The following LRP5 variants were observed in gnomAD, a reference collection of about 807,000 sequenced individuals.
LRP5 encodes low-density lipoprotein receptor-related protein 5.
Under a neutral mutation model 154.1 loss-of-function variants are expected in LRP5, and 62 were observed. The observed-to-expected ratio is 0.40, with a 90% CI of 0.33 to 0.50. The LOEUF is 0.50. Among genes scored for constraint, LRP5 ranks in the 20% least tolerant of loss-of-function variants. LRP5 has a pLI of 0.55. For missense variants in LRP5, 1,915 were observed against 2,336.7 expected (o/e 0.82, Z 3.72); for synonymous variants, 966 against 1,011.5 (o/e 0.96, Z 0.85).
rs185723168 is a variant in LRP5, at chr11:68,351,092, G to C, written c.488+2849G>C. On this transcript the variant is annotated intron_variant, in intron 2 of 22. Coordinates refer to ENST00000294304, the MANE Select transcript of LRP5 (RefSeq NM_002335.4). The stretch of plus-strand genomic sequence containing the variant: ...TGCATCTGAACCAGTCTGTGTGTAA[G>C]TATGGGGTACCAGCAGGGGTGGGAC... Among the ~76,000 whole-genome samples the C allele has an allele frequency of 8.5e-5, 13 of 152,312 alleles. No individual in the cohort carries two copies. In the East Asian group the frequency reaches 1.7e-3, roughly 20 times the overall value.
chr11:68,439,739 T>TGGAAGCCACCTGACCTCCCCC, intron 20 of LRP5, 38 bp from the exon 21 acceptor site: 1 of 1,599,918 alleles, frequency 6.3e-7, no homozygotes, highest in Non-Finnish European at 8.5e-7. Context: ...TGGCTGAGCC[T>TGGAAGCCACCTGACCTCCCCC]GGAAGCCACC....
chr11:68,381,869 C>T (rs568932171), intron 5 of LRP5, among the ~76,000 whole-genome samples: 1 of 152,362 alleles, frequency 6.6e-6, no homozygotes, highest in East Asian at 1.9e-4. Context: ...GACCTCTCTA[C>T]ACACAGAACC....
chr11:68,312,923 C>A, intron 1 of LRP5, 118 bp downstream of exon 1: 1 of 436,774 alleles, frequency 2.3e-6, no homozygotes, highest in South Asian at 9.0e-5. Context: ...GAGTTGGGAG[C>A]GAGTTGGGGC....
intron 5 of LRP5, among the ~76,000 whole-genome samples, chr11:68,375,829 C>T (rs1039295860): frequency 6.6e-6 from 1 of 152,252 alleles, no homozygotes; most frequent in African/African-American, 2.4e-5. Flanking sequence ...CCAGCCTCAG[C>T]CCTCTGCTGT....
chr11:68,416,072 A>G (rs2098662379), intron 12 of LRP5, among the ~76,000 whole-genome samples: 1 of 152,132 alleles, frequency 6.6e-6, no homozygotes, highest in Non-Finnish European at 1.5e-5. Context: ...AAATAAATAA[A>G]TAAAAGAAAA....
At chr11:68,341,183 C>T (rs1238583424) in intron 1 of LRP5, among the ~76,000 whole-genome samples, 15 of 150,340 alleles carry the variant, frequency 1.0e-4, no homozygotes, top group African/African-American at 3.0e-4. Flanking sequence ...GGGGAGAGGG[C>T]GTAATTATTT....
chr11:68,447,321 C>T lies in LRP5; in HGVS notation c.4586+788C>T, dbSNP rs972580510. 5.9e-5 allele frequency among the ~76,000 whole-genome samples: 9 copies of T among 152,220 alleles called. No individual in the cohort carries two copies. The highest frequency in any genetic ancestry group is 2.2e-4 in the African/African-American group (9 of 41,454). On this transcript the variant is annotated intron_variant, in intron 22 of 22. Transcript: ENST00000294304. This position sits in a 1 kb window ranked among gnomAD's most constrained non-coding sequence, Gnocchi z 4.3. The stretch of plus-strand genomic sequence containing the variant: ...GATAGGCTGGGCCTGGGCCAGGACA[C>T]CTCTGGACCACGCATTCCTCATTGC...
chr11:68,426,221 G>A, intron 16 of LRP5, 34 bp downstream of exon 16: 3 of 1,592,946 alleles, frequency 1.9e-6, no homozygotes, highest in Non-Finnish European at 2.6e-6. Context: ...TGGGCAGGGT[G>A]GCCTCTAAAC....
chr11:68,311,559 C>T (rs1323325012), upstream of LRP5, among the ~76,000 whole-genome samples: 1 of 152,120 alleles, frequency 6.6e-6, no homozygotes, highest in Non-Finnish European at 1.5e-5. Flanking sequence ...TTTAATTTTC[C>T]GTCTTCTTGT....
chr11:68,324,728 G>T (rs1199597585), intron 1 of LRP5, among the ~76,000 whole-genome samples: 1 of 152,256 alleles, frequency 6.6e-6, no homozygotes, highest in Non-Finnish European at 1.5e-5. Flanking sequence ...GCAGAGGCTG[G>T]TGGGATTCCG....
the LRP5 span, among the ~76,000 whole-genome samples, chr11:68,299,654 C>T: frequency 2.0e-5 from 3 of 149,404 alleles, no homozygotes; most frequent in African/African-American, 5.0e-5. Context: ...GCAATCTCAG[C>T]TCACTGTAGC....
chr11:68,428,527 C>T lies in LRP5; in HGVS notation c.3638-1048C>T, dbSNP rs531007383. Among the ~76,000 whole-genome samples, 7 of 152,048 alleles carry T rather than the reference C, an allele frequency of 4.6e-5. No individual in the cohort carries two copies. The South Asian group carries it at 1.2e-3, about 27-fold the overall frequency. ...CAGCGTTCCACACTTGTGGATGCGC[C>T]GCCTCAACCTCTGCCCATCTTCATG... On this transcript the variant is annotated intron_variant, in intron 16 of 22. Transcript: ENST00000294304.
Position 68,449,141 on chromosome 11 carries a change from T to C in LRP5, c.*71T>C. 4 of 1,273,918 alleles carry C rather than the reference T, an allele frequency of 3.1e-6. No homozygotes were observed. The highest frequency in any genetic ancestry group is 4.2e-6 in the Non-Finnish European group (4 of 962,824). The allele number at this position is 1,273,918 out of a possible 1,614,324, so 78.9% of individuals were successfully genotyped here. ...TTAAATATGAACAAAGAAAAAAATA[T>C]ATTTTATGATTTAAAAAATAAATAT... On this transcript the variant is annotated 3_prime_UTR_variant, in exon 23 of 23. Transcript: ENST00000294304.
chr11:68,438,591 C>T lies in LRP5; in HGVS notation c.4257C>T (p.Asn1419=), dbSNP rs201374967. The T allele has an allele frequency of 7.0e-5, 113 of 1,613,884 alleles. No homozygotes were observed. The highest frequency in any genetic ancestry group is 2.9e-4 in the South Asian group (26 of 91,084). ...RVVCQRYAGA[N]GPFPHEYVSG... is the part of the protein sequence containing the mutation. ...TGTGCCAGCGCTATGCGGGGGCCAA[C>T]GGGCCCTTCCCGCACGAGTATGTCA... The change falls in exon 20 of 23, where the codon AAC becomes AAT. Residue 1419 remains asparagine (N), a synonymous_variant. Coordinates refer to ENST00000294304, the MANE Select transcript of LRP5 (RefSeq NM_002335.4).
At chr11:68,376,950 C>T (rs952759927) in intron 5 of LRP5, among the ~76,000 whole-genome samples, 1 of 152,250 alleles carries the variant, frequency 6.6e-6, no homozygotes, top group African/African-American at 2.4e-5. Flanking sequence ...GCTGTGTTCC[C>T]TCACCAGGGT....
At chr11:68,448,069 A>G (rs1435395929) in intron 22 of LRP5, among the ~76,000 whole-genome samples, 1 of 152,224 alleles carries the variant, frequency 6.6e-6, no homozygotes, top group Non-Finnish European at 1.5e-5. Context: ...CCTCACAATC[A>G]TGGTAGAAGA....
intron 1 of LRP5, among the ~76,000 whole-genome samples, chr11:68,344,353 C>T (rs990201003): frequency 2.0e-5 from 3 of 152,172 alleles, no homozygotes; most frequent in Non-Finnish European, 4.4e-5. Context: ...GAGTCTCGCT[C>T]TGTCACCCAG....
chr11:68,360,626 C>T (rs1338867440), intron 3 of LRP5, among the ~76,000 whole-genome samples: 1 of 152,226 alleles, frequency 6.6e-6, no homozygotes, highest in African/African-American at 2.4e-5. Flanking sequence ...CTGACCTTCC[C>T]TCAGTGCTTC....
Position 68,405,631 on chromosome 11 carries a change from C to G in LRP5, c.1802-893C>G, listed in dbSNP as rs149161661. ...TGAGAAATTGGGCTTCTTCCCCCTC[C>G]CCTCTCACCCCGTGGTTTGCTAAAG... On this transcript the variant is annotated intron_variant, in intron 8 of 22. Transcript: ENST00000294304. Among the ~76,000 whole-genome samples the G allele has an allele frequency of 2.7e-3, 411 of 152,294 alleles. 5 individuals carry two copies. The highest frequency in any genetic ancestry group is 8.6e-3 in the African/African-American group (359 of 41,544).
Sources: gnomAD v4.1 joint callset for allele counts (sites outside exome capture counted in the v4.1 genomes callset) on GRCh38, gnomAD v4.1.1 for gene constraint, Gnocchi (gnomAD v3.1) non-coding constraint, MANE v1.5 for transcripts, NCBI Gene and HGNC (gene_info 2026-07-23, HGNC 2026-07-21) for gene names.